TLN2: variants seen among roughly 807,000 people sequenced by gnomAD.
TLN2 encodes the protein talin-2.
In TLN2, 118 loss-of-function variants were observed where a neutral mutation model predicts 294.7. The ratio of observed to expected loss-of-function variants is 0.40; its 90% CI spans 0.34 to 0.47. The LOEUF (loss-of-function observed/expected upper bound fraction) is 0.47, where lower values mean the gene tolerates loss of function less well. TLN2 is among the 20% of genes least tolerant of loss of function. The probability of loss-of-function intolerance (pLI) is 0.84; values close to 1 mark genes in which losing one functional copy is unlikely to be tolerated. For synonymous variants in TLN2, 1,431 were observed against 1,304.5 expected, an observed-to-expected ratio of 1.10 and a Z score of -2.09; for missense variants, 3,083 against 3,282.2, an observed-to-expected ratio of 0.94 and a Z score of 1.48.
At chr15:62,407,666 C>G (rs985285863) in intron 1 of TLN2, among the ~76,000 whole-genome samples, 1 of 152,154 alleles carries the variant, frequency 6.6e-6, no homozygotes, top group Admixed American at 6.5e-5. Flanking sequence ...CCTGTAATCC[C>G]AACACTTTGG....
At chr15:62,478,612 G>A (rs41493744) in intron 1 of TLN2, among the ~76,000 whole-genome samples, 17,809 of 152,130 alleles carry the variant, frequency 0.12, 1,143 homozygotes, top group Non-Finnish European at 0.14. Flanking sequence ...TGGTAGTCTG[G>A]AGAGCCAGTG....
chr15:62,821,571 A>T (rs1298449620), intron 54 of TLN2, among the ~76,000 whole-genome samples: 1 of 152,268 alleles, frequency 6.6e-6, no homozygotes, highest in Non-Finnish European at 1.5e-5. Context: ...TGAAATAAAC[A>T]CAGACTGAGT....
intron 1 of TLN2, among the ~76,000 whole-genome samples, chr15:62,500,722 T>G (rs1304150153): frequency 1.3e-5 from 2 of 152,144 alleles, no homozygotes; most frequent in African/African-American, 4.8e-5. Flanking sequence ...CCACTTGGAG[T>G]TGGGCACAAT....
chr15:62,570,914 TGTG>T (rs2140641573), intron 1 of TLN2, among the ~76,000 whole-genome samples: 1 of 134,002 alleles, frequency 7.5e-6, no homozygotes, highest in East Asian at 2.0e-4. Context: ...TGTGTGTGTG[TGTG>T]TGTGTGTGTG....
chr15:62,562,712 C>T (rs970564313), intron 1 of TLN2, among the ~76,000 whole-genome samples: 1 of 152,016 alleles, frequency 6.6e-6, no homozygotes, highest in Non-Finnish European at 1.5e-5. Context: ...CCTTTCCCCT[C>T]AAGTCCCCAG....
At position 62,783,878 on chromosome 15, in the gene TLN2, G is replaced by T. The variant is rs754878427; in HGVS notation, c.5724G>T (p.Ala1908=). Residue 1908 remains alanine, a synonymous_variant, in exon 45 of 59, where the codon GCG becomes GCT. Transcript: ENST00000636159. ...AFQGQMAAAT[A]EPEEIGFQIR... is the part of the protein sequence containing the mutation. The stretch of plus-strand genomic sequence containing the variant: ...AGGGCCAGATGGCAGCAGCCACGGC[G>T]GAACCAGAGGAGGTCTGCCACCTTA... 6.2e-7 allele frequency: 1 copy of T among 1,613,872 alleles called. No individual in the cohort carries two copies. Among genetic ancestry groups the T allele is most frequent in the Non-Finnish European group, 8.5e-7 (1 of 1,179,976 alleles).
intron 1 of TLN2, among the ~76,000 whole-genome samples, chr15:62,437,462 C>G (rs942812859): frequency 6.6e-6 from 1 of 151,858 alleles, no homozygotes; most frequent in Admixed American, 6.6e-5. Context: ...CCAGGCTGGT[C>G]GTGAACTCCT....
intron 50 of TLN2, among the ~76,000 whole-genome samples, chr15:62,804,134 G>A (rs1203787659): frequency 1.3e-5 from 2 of 152,158 alleles, no homozygotes; most frequent in Non-Finnish European, 2.9e-5. Context: ...CTGTCACTCT[G>A]TGCTGAGCCT....
At chr15:62,532,784 G>T (rs771457207) in intron 1 of TLN2, among the ~76,000 whole-genome samples, 3 of 152,136 alleles carry the variant, frequency 2.0e-5, no homozygotes, top group Non-Finnish European at 4.4e-5. Flanking sequence ...CCTTGGGTAA[G>T]AATTCCACTT....
chr15:62,715,440 A>G (rs1016337848), intron 22 of TLN2, among the ~76,000 whole-genome samples: 2 of 152,232 alleles, frequency 1.3e-5, no homozygotes, highest in Non-Finnish European at 2.9e-5. Context: ...CTTGATTGCT[A>G]CTGTTATAGT....
chr15:62,582,247 C>CACACACACA (rs1412650912), intron 1 of TLN2, among the ~76,000 whole-genome samples: 1 of 103,134 alleles, frequency 9.7e-6, no homozygotes, highest in African/African-American at 3.6e-5. Context: ...CACACACACA[C>CACACACACA]ATTCATGCCT....
intron 1 of TLN2, among the ~76,000 whole-genome samples, chr15:62,409,981 C>T (rs778713390): frequency 5.3e-5 from 8 of 152,196 alleles, no homozygotes; most frequent in Non-Finnish European, 7.3e-5. Context: ...CAGTGGCTCA[C>T]GCCTGTGATC....
chr15:62,500,587 A>G (rs776073088), intron 1 of TLN2, among the ~76,000 whole-genome samples: 2 of 152,216 alleles, frequency 1.3e-5, no homozygotes, highest in Admixed American at 6.5e-5. Context: ...AGACAAAGCC[A>G]GGCTTATAGT....
intron 1 of TLN2, among the ~76,000 whole-genome samples, chr15:62,455,485 G>A (rs1272083834): frequency 6.6e-6 from 1 of 152,174 alleles, no homozygotes; most frequent in African/African-American, 2.4e-5. Context: ...TGTATGGGGA[G>A]CAATGTTTTT....
At chr15:62,582,114 A>C (rs2045102259) in intron 1 of TLN2, among the ~76,000 whole-genome samples, 1 of 151,610 alleles carries the variant, frequency 6.6e-6, no homozygotes, top group African/African-American at 2.4e-5. Flanking sequence ...GAGGAAAACG[A>C]GGGCTTAAGC....
intron 1 of TLN2, among the ~76,000 whole-genome samples, chr15:62,401,249 C>T (rs112779710): frequency 0.011 from 1,642 of 152,178 alleles, 31 homozygotes; most frequent in African/African-American, 0.038. Flanking sequence ...AATTTTTTAG[C>T]AGGTGAACGT....
chr15:62,526,656 A>G (rs1229298360), intron 1 of TLN2, among the ~76,000 whole-genome samples: 1 of 152,236 alleles, frequency 6.6e-6, no homozygotes, highest in African/African-American at 2.4e-5. Context: ...ACTTTCAAAC[A>G]GAAGCAAACA....
At chr15:62,464,935 CTT>C (rs149169742) in intron 1 of TLN2, among the ~76,000 whole-genome samples, 1,658 of 152,198 alleles carry the variant, frequency 0.011, 26 homozygotes, top group African/African-American at 0.039. Flanking sequence ...TGAGAGGAAA[CTT>C]TGCCCCGGGA....
intron 19 of TLN2, among the ~76,000 whole-genome samples, chr15:62,705,165 T>C (rs1344863676): frequency 6.6e-6 from 1 of 152,232 alleles, no homozygotes; most frequent in African/African-American, 2.4e-5. Context: ...AGGTTCAGGT[T>C]CAGGGTGACA....
Sources: gnomAD v4.1 joint callset for allele counts (sites outside exome capture counted in the v4.1 genomes callset) on GRCh38, gnomAD v4.1.1 for gene constraint, MANE v1.5 for transcripts, NCBI Gene and HGNC (gene_info 2026-07-23, HGNC 2026-07-21) for gene names.